Variants in MSH3 observed in about 807,000 individuals in gnomAD.
The protein encoded by MSH3 is mutS homolog 3, also known as DNA mismatch repair protein Msh3.
In MSH3, 106 loss-of-function variants were observed where a neutral mutation model predicts 123.3. That is an observed-to-expected ratio of 0.86 (90% CI 0.73 to 1.01). The LOEUF (loss-of-function observed/expected upper bound fraction) is 1.01. MSH3 is among the 50% of genes least tolerant of loss of function. The pLI, the probability that MSH3 is intolerant of heterozygous loss-of-function variation, is 0.00. For synonymous variants in MSH3, 515 were observed against 481.4 expected, an observed-to-expected ratio of 1.07 and a Z score of -0.91; for missense variants, 1,459 against 1,347.6, an observed-to-expected ratio of 1.08 and a Z score of -1.29.
intron 20 of MSH3, among the ~76,000 whole-genome samples, chr5:80,829,051 A>G (rs1383270645): frequency 6.6e-6 from 1 of 151,934 alleles, no homozygotes; most frequent in Admixed American, 6.6e-5. Flanking sequence ...TCTGGCTCTG[A>G]CCCCACATTT....
At chr5:80,682,949 C>A (rs1343044835) in intron 8 of MSH3, among the ~76,000 whole-genome samples, 2 of 152,184 alleles carry the variant, frequency 1.3e-5, no homozygotes, top group Admixed American at 6.5e-5. Flanking sequence ...TAGGTGAGAA[C>A]ATGCAAAGTT....
rs1745876103 is a variant in MSH3, at chr5:80,854,135, G to A, written c.2819G>A (p.Gly940Asp). The A allele has an allele frequency of 1.2e-6, 2 of 1,613,158 alleles. No individual in the cohort carries two copies. The highest frequency in any genetic ancestry group is 2.2e-5 in the East Asian group (1 of 44,802). Reference sequence around the variant, plus strand: ...TGTTTTCATCTTGCTTGTAGGATGGGTGCTGCAGACAATATATATAAAGGA... The same window carrying A: ...TGTTTTCATCTTGCTTGTAGGATGGATGCTGCAGACAATATATATAAAGGA... ...GIVDGIFTRM[G>D]AADNIYKGQS... The change falls in exon 21 of 24, where the codon GGT (glycine) becomes GAT (aspartate). Residue 940 changes from glycine (G) to aspartate (D), a missense_variant. Gly to Asp is a moderately conservative substitution (Grantham distance 94). Coordinates refer to ENST00000265081, the MANE Select transcript of MSH3 (RefSeq NM_002439.5).
intron 23 of MSH3, among the ~76,000 whole-genome samples, chr5:80,874,760 T>C (rs1187042441): frequency 3.3e-5 from 5 of 152,208 alleles, no homozygotes; most frequent in Non-Finnish European, 5.9e-5. Context: ...TTCTGCTATA[T>C]AGCCTATAAA....
At chr5:80,814,608 A>C (rs1745070716) in intron 20 of MSH3, among the ~76,000 whole-genome samples, 1 of 152,190 alleles carries the variant, frequency 6.6e-6, no homozygotes, top group Non-Finnish European at 1.5e-5. Flanking sequence ...GTAGAAAATC[A>C]ATATTTAAGC....
intron 20 of MSH3, among the ~76,000 whole-genome samples, chr5:80,840,838 T>A (rs998046716): frequency 6.6e-6 from 1 of 150,616 alleles, no homozygotes; most frequent in African/African-American, 2.5e-5. Flanking sequence ...AGTGAGAACA[T>A]GCAGTATTTG....
At chr5:80,866,278 A>G (rs1286126339) in intron 22 of MSH3, among the ~76,000 whole-genome samples, 1 of 152,160 alleles carries the variant, frequency 6.6e-6, no homozygotes, top group Non-Finnish European at 1.5e-5. Context: ...AGCTGGGACT[A>G]CAGGTGCACA....
At chr5:80,775,824 T>C (rs1744289552) in intron 16 of MSH3, 66 bp downstream of exon 16, 1 of 856,764 alleles carries the variant, frequency 1.2e-6, no homozygotes, top group Admixed American at 1.8e-5. Context: ...TATGTGCTAC[T>C]GGGCTCATCG....
intron 19 of MSH3, among the ~76,000 whole-genome samples, chr5:80,810,863 G>A (rs1218225419): frequency 3.3e-5 from 5 of 151,948 alleles, no homozygotes; most frequent in South Asian, 2.1e-4. Context: ...ATGGTAAATT[G>A]TATCATTAAC....
intron 17 of MSH3, among the ~76,000 whole-genome samples, chr5:80,783,432 C>G (rs186683424): frequency 5.9e-5 from 9 of 151,992 alleles, no homozygotes; most frequent in Non-Finnish European, 8.8e-5. Flanking sequence ...GTCAAACAAG[C>G]CTTCTTTAAG....
intron 20 of MSH3, among the ~76,000 whole-genome samples, chr5:80,834,195 A>G (rs1206056545): frequency 6.6e-6 from 1 of 152,128 alleles, no homozygotes; most frequent in Non-Finnish European, 1.5e-5. Flanking sequence ...TTGGCTCCTA[A>G]TGCAGTGGCC....
intron 12 of MSH3, among the ~76,000 whole-genome samples, chr5:80,750,539 TA>T (rs1743814563): frequency 1.5e-5 from 2 of 132,322 alleles, no homozygotes; most frequent in Non-Finnish European, 1.7e-5. Context: ...GGGAATCGTC[TA>T]TTCAGACCTT....
At chr5:80,819,332 A>ATG (rs778327092) in intron 20 of MSH3, among the ~76,000 whole-genome samples, 22 of 150,280 alleles carry the variant, frequency 1.5e-4, no homozygotes, top group Non-Finnish European at 2.2e-4. Context: ...TTCCCCATAT[A>ATG]TGTGTGTGTG....
intron 12 of MSH3, among the ~76,000 whole-genome samples, chr5:80,759,190 A>G (rs1430297425): frequency 6.6e-6 from 1 of 152,208 alleles, no homozygotes; most frequent in Non-Finnish European, 1.5e-5. Flanking sequence ...TGTTCACTGA[A>G]TTTATAGTCT....
chr5:80,693,525 A>ATATAAATATGCACATGTATG (rs1750387065), intron 8 of MSH3, among the ~76,000 whole-genome samples: 1 of 146,632 alleles, frequency 6.8e-6, no homozygotes, highest in Non-Finnish European at 1.5e-5. Context: ...GCACATGTAT[A>ATATAAATATGCACATGTATG]TGTTTATATA....
chr5:80,673,753 C>T (rs752942796), intron 6 of MSH3, among the ~76,000 whole-genome samples: 9 of 152,042 alleles, frequency 5.9e-5, no homozygotes, highest in Admixed American at 2.6e-4. Flanking sequence ...CCTAAATTTA[C>T]GGTCATTTAT....
At chr5:80,752,675 G>A (rs1159166295) in intron 12 of MSH3, among the ~76,000 whole-genome samples, 3 of 152,100 alleles carry the variant, frequency 2.0e-5, no homozygotes, top group Non-Finnish European at 4.4e-5. Context: ...AAAAGGATTA[G>A]TGTGGTTCCT....
chr5:80,813,977 A>G (rs541216534), intron 20 of MSH3, among the ~76,000 whole-genome samples: 1 of 152,166 alleles, frequency 6.6e-6, no homozygotes, highest in African/African-American at 2.4e-5. Flanking sequence ...CCTGGGCAAC[A>G]TGGCAAAACC....
chr5:80,859,632 A>G (rs1745980399), intron 21 of MSH3, among the ~76,000 whole-genome samples: 1 of 149,004 alleles, frequency 6.7e-6, no homozygotes, highest in Admixed American at 6.7e-5. Context: ...GTTCTTGTTC[A>G]TTGTTCCTAC....
chr5:80,808,870 T>TATCTATATATATATCTATATATAG (rs1554074166), intron 19 of MSH3, among the ~76,000 whole-genome samples: 17 of 127,346 alleles, frequency 1.3e-4, no homozygotes, highest in African/African-American at 5.2e-4. Context: ...TATATATATA[T>TATCTATATATATATCTATATATAG]ATATATATAT....
Sources: allele counts gnomAD v4.1 joint callset (sites outside exome capture counted in the v4.1 genomes callset), GRCh38; gene constraint gnomAD v4.1.1; transcripts MANE v1.5; gene names NCBI Gene and HGNC (gene_info 2026-07-23, HGNC 2026-07-21).